SYNE1: variants seen among roughly 807,000 people sequenced by gnomAD.
SYNE1 encodes nesprin-1.
SYNE1 carries 616 observed loss-of-function variants against 1,111.0 expected under a neutral mutation model. The ratio of observed to expected loss-of-function variants is 0.55; its 90% CI spans 0.52 to 0.59. The LOEUF is 0.59. Ranked by LOEUF, SYNE1 falls within the 20% of genes least tolerant of loss-of-function variation. The pLI is 0.00. For missense variants in SYNE1, 10,006 were observed against 10,417.0 expected (o/e 0.96, Z 1.72); for synonymous variants, 3,855 against 3,825.8 (o/e 1.01, Z -0.28).
chr6:152,323,686 T>G lies in SYNE1; in HGVS notation c.15709A>C (p.Ser5237Arg), dbSNP rs772002254. ...IDQLQDKLPG[S>R]SAEKASKAEL... ...GCTTTCGATGCTTTCTCTGCTGAAC[T>G]TCCAGGTAACTTATCTTGCAGCTGA... The change falls in exon 82 of 146, where the codon AGT becomes CGT. Residue 5237 changes from serine to arginine, a missense_variant. Coordinates refer to ENST00000367255, the MANE Select transcript of SYNE1 (RefSeq NM_182961.4). 4 of 1,614,246 alleles carry G rather than the reference T, an allele frequency of 2.5e-6. No homozygotes were observed. The highest frequency in any genetic ancestry group is 3.4e-6 in the Non-Finnish European group (4 of 1,180,046).
intron 29 of SYNE1, among the ~76,000 whole-genome samples, 189 bp downstream of exon 29, chr6:152,447,269 G>A (rs1056794293): frequency 2.6e-5 from 4 of 152,072 alleles, no homozygotes; most frequent in Non-Finnish European, 4.4e-5. Flanking sequence ...TCCAATAATG[G>A]CACAGACCAT....
At chr6:152,252,591 A>G (rs17082386) in intron 104 of SYNE1, among the ~76,000 whole-genome samples, 11,653 of 152,298 alleles carry the variant, frequency 0.077, 764 homozygotes, top group African/African-American at 0.17. Context: ...GAAAGATTAA[A>G]TGCAGAATGA....
chr6:152,517,143 G>A (rs899839508), intron 6 of SYNE1, among the ~76,000 whole-genome samples: 3 of 152,166 alleles, frequency 2.0e-5, no homozygotes, highest in African/African-American at 7.2e-5. Context: ...TATCAACAAT[G>A]TAGATTATTT....
At chr6:152,454,225 A>G (rs499914) in intron 24 of SYNE1, among the ~76,000 whole-genome samples, 30,510 of 132,852 alleles carry the variant, frequency 0.23, 3,290 homozygotes, top group Middle Eastern at 0.32. Context: ...TGCACACAGA[A>G]GCACACATGT....
chr6:152,262,687 C>T (rs1042348093), intron 100 of SYNE1, among the ~76,000 whole-genome samples: 9 of 151,612 alleles, frequency 5.9e-5, no homozygotes, highest in African/African-American at 1.9e-4. Flanking sequence ...TAGTACAGGG[C>T]ATGGAGGGAT....
At chr6:152,384,879 CAAA>C (rs200695551) in intron 55 of SYNE1, among the ~76,000 whole-genome samples, 1 of 123,412 alleles carries the variant, frequency 8.1e-6, no homozygotes. Context: ...GACTCCATTT[CAAA>C]AAAAAAAAAA....
intron 127 of SYNE1, among the ~76,000 whole-genome samples, chr6:152,197,020 G>A (rs1413435105): frequency 6.6e-6 from 1 of 152,172 alleles, no homozygotes. Context: ...GGCATCAGCT[G>A]AGTTCTGCCT....
intron 91 of SYNE1, among the ~76,000 whole-genome samples, chr6:152,306,821 G>C (rs1401610662): frequency 6.8e-6 from 1 of 146,250 alleles, no homozygotes; most frequent in Non-Finnish European, 1.5e-5. Flanking sequence ...AGTAGGTACA[G>C]ACTGCAATAA....
In SYNE1 at chr6:152,359,545, A is replaced by G. The variant is rs533366562; in HGVS notation, c.10300-87T>C. 1.6e-5 allele frequency: 25 copies of G among 1,543,804 alleles called. No homozygotes were observed. The Admixed American group carries it at 4.1e-4, about 25-fold the overall frequency. The stretch of plus-strand genomic sequence containing the variant: ...TAAAATCAAGATATTTTAATTGTAC[A>G]GTTGACAAGTGACCTCAGGTTATTT... On this transcript the variant is annotated intron_variant, in intron 64 of 145. Coordinates refer to ENST00000367255, the MANE Select transcript of SYNE1 (RefSeq NM_182961.4).
intron 38 of SYNE1, among the ~76,000 whole-genome samples, chr6:152,427,265 C>T (rs1355065395): frequency 6.6e-6 from 1 of 152,120 alleles, no homozygotes; most frequent in African/African-American, 2.4e-5. Context: ...CATTCTATTA[C>T]TTATTTCTTT....
chr6:152,122,683 G>T lies in SYNE1; in HGVS notation c.26154-7C>A, dbSNP rs2051693616. The T allele has an allele frequency of 6.2e-7, 1 of 1,613,764 alleles. No individual in the cohort carries two copies. Among genetic ancestry groups the T allele is most frequent in the Non-Finnish European group, 8.5e-7 (1 of 1,179,884 alleles). ...GGAGCCACCTTTTGTGGACCTGAGA[G>T]AAGAATGGACATAAATTACTCAGAT... On this transcript the variant is annotated splice_polypyrimidine_tract_variant and splice_region_variant and intron_variant, in intron 145 of 145. Coordinates refer to ENST00000367255, the MANE Select transcript of SYNE1 (RefSeq NM_182961.4).
rs2080050605 is a variant in SYNE1 at position 152,220,991 on chromosome 6, G to A, written c.21712C>T (p.Leu7238Phe). The A allele has an allele frequency of 2.5e-6, 4 of 1,614,176 alleles. No homozygotes were observed. Among genetic ancestry groups the A allele is most frequent in the Non-Finnish European group, 3.4e-6 (4 of 1,180,016 alleles). ...TCCTTGTATCTTTGCCAAAGCTGAA[G>A]TAGGGCCTTGCTGGACTGTAGCTGC... ...AEQLQSSKAL[L>F]QLWQRYKDYS... is the part of the protein sequence containing the mutation. The change falls in exon 119 of 146, where the codon CTT becomes TTT. Residue 7238 changes from leucine (L) to phenylalanine (F), a missense_variant. Coordinates refer to ENST00000367255, the MANE Select transcript of SYNE1 (RefSeq NM_182961.4).
intron 78 of SYNE1, among the ~76,000 whole-genome samples, chr6:152,327,276 A>AAAAC (rs35111293): frequency 3.3e-5 from 5 of 151,820 alleles, no homozygotes; most frequent in African/African-American, 4.8e-5. Context: ...TGTCTCTCAA[A>AAAAC]AAACAAACAA....
intron 119 of SYNE1, among the ~76,000 whole-genome samples, chr6:152,220,464 G>C (rs2079899954): frequency 6.6e-6 from 1 of 151,470 alleles, no homozygotes; most frequent in African/African-American, 2.4e-5. Context: ...TGCTTACATA[G>C]GAGTTAATGA....
chr6:152,485,387 T>C (rs938470295), intron 12 of SYNE1, among the ~76,000 whole-genome samples: 1 of 152,186 alleles, frequency 6.6e-6, no homozygotes, highest in Non-Finnish European at 1.5e-5. Context: ...GATAGTTGCT[T>C]TACTTCAAGT....
chr6:152,130,908 A>G (rs1162396168), intron 144 of SYNE1, 130 bp from the exon 145 acceptor site: 1 of 874,772 alleles, frequency 1.1e-6, no homozygotes, highest in African/African-American at 1.7e-5. Flanking sequence ...ATCAGTACCC[A>G]TGAATTAAGG....
intron 93 of SYNE1, among the ~76,000 whole-genome samples, chr6:152,295,461 G>A (rs531207519): frequency 4.4e-4 from 67 of 152,126 alleles, no homozygotes; most frequent in African/African-American, 1.5e-3. Context: ...TGCTGTCATC[G>A]CTCAGCTGGA....
intron 3 of SYNE1, among the ~76,000 whole-genome samples, chr6:152,548,539 C>G (rs1050157891): frequency 6.6e-6 from 1 of 152,154 alleles, no homozygotes; most frequent in Non-Finnish European, 1.5e-5. Context: ...TTTTAGTTAA[C>G]GGGTCTATGG....
chr6:152,536,006 G>A (rs1004535185), intron 4 of SYNE1, among the ~76,000 whole-genome samples: 4 of 151,984 alleles, frequency 2.6e-5, no homozygotes, highest in Admixed American at 1.3e-4. Context: ...TTAAGTCCAT[G>A]CCACCTCTGT....
Sources: gnomAD v4.1 joint callset for allele counts (sites outside exome capture counted in the v4.1 genomes callset) on GRCh38, gnomAD v4.1.1 for gene constraint, MANE v1.5 for transcripts, NCBI Gene and HGNC (gene_info 2026-07-23, HGNC 2026-07-21) for gene names.